C12orf42: variants seen among roughly 807,000 people sequenced by gnomAD.
C12orf42 encodes chromosome 12 open reading frame 42, also known as uncharacterized protein C12orf42.
In C12orf42, 25 loss-of-function variants were observed where a neutral mutation model predicts 21.6. That is an observed-to-expected ratio of 1.16 (90% CI 0.84 to 1.62). The LOEUF (loss-of-function observed/expected upper bound fraction) is 1.62, where lower values mean the gene tolerates loss of function less well. Among genes scored for constraint, C12orf42 ranks in the 40% most tolerant of loss-of-function variants. C12orf42 has a pLI of 0.00. For missense variants in C12orf42, 483 were observed against 459.3 expected (o/e 1.05, Z -0.47); for synonymous variants, 174 against 175.0 (o/e 0.99, Z 0.05).
the C12orf42 span, among the ~76,000 whole-genome samples, chr12:103,186,801 A>G: frequency 2.5e-4 from 38 of 152,136 alleles, no homozygotes; most frequent in African/African-American, 9.2e-4. Context: ...ACTCCTCATT[A>G]TTATTATAAG....
At chr12:103,507,699 G>C in the C12orf42 span, among the ~76,000 whole-genome samples, 3 of 150,802 alleles carry the variant, frequency 2.0e-5, no homozygotes, top group African/African-American at 7.3e-5. Context: ...TGGGGTGGGG[G>C]CGGGTAATAA....
intron 2 of C12orf42, among the ~76,000 whole-genome samples, chr12:103,447,354 T>C (rs545722592): frequency 2.0e-5 from 3 of 151,948 alleles, no homozygotes; most frequent in African/African-American, 4.8e-5. Context: ...TGAGGAAAAA[T>C]TGAAAGCATT....
chr12:103,257,394 A>G (rs1218045365), intron 10 of C12orf42, among the ~76,000 whole-genome samples: 2 of 152,218 alleles, frequency 1.3e-5, no homozygotes, highest in East Asian at 3.8e-4. Context: ...AAGGAGCTCA[A>G]TATTATTTTC....
the C12orf42 span, among the ~76,000 whole-genome samples, chr12:103,176,032 C>G: frequency 6.6e-6 from 1 of 152,096 alleles, no homozygotes; most frequent in Non-Finnish European, 1.5e-5. Context: ...GCCCTGTTGT[C>G]CTGCAGGCTT....
the C12orf42 span, among the ~76,000 whole-genome samples, chr12:103,067,699 G>A: frequency 1.6e-4 from 25 of 152,198 alleles, no homozygotes; most frequent in Middle Eastern, 3.4e-3. Flanking sequence ...TGGCCTAGAG[G>A]TCTTCGTTCC....
chr12:103,436,161 A>G (rs1398663318), intron 2 of C12orf42, among the ~76,000 whole-genome samples: 2 of 151,334 alleles, frequency 1.3e-5, no homozygotes, highest in African/African-American at 4.9e-5. Flanking sequence ...AAGCTTCATA[A>G]GTGAAGGAGA....
At chr12:103,294,411 AAGAG>A (rs771161984) in intron 4 of C12orf42, among the ~76,000 whole-genome samples, 15 of 139,088 alleles carry the variant, frequency 1.1e-4, no homozygotes, top group Non-Finnish European at 2.1e-4. Context: ...GAAAGAAAGA[AAGAG>A]AGAAAGGAGA....
intron 5 of C12orf42, among the ~76,000 whole-genome samples, chr12:103,274,621 T>C (rs1261827731): frequency 1.3e-5 from 2 of 152,166 alleles, no homozygotes; most frequent in Admixed American, 1.3e-4. Context: ...TTTGTTTTTC[T>C]ACTGTTTGTG....
chr12:103,430,458 GAACAACAGAC>G (rs1555196988), intron 2 of C12orf42, among the ~76,000 whole-genome samples: 1 of 151,996 alleles, frequency 6.6e-6, no homozygotes, highest in Non-Finnish European at 1.5e-5. Context: ...AAAAGTCAGG[GAACAACAGAC>G]ACTGGAGAGA....
At chr12:103,385,454 A>G (rs1473291521) in intron 3 of C12orf42, among the ~76,000 whole-genome samples, 2 of 152,200 alleles carry the variant, frequency 1.3e-5, no homozygotes, top group African/African-American at 2.4e-5. Flanking sequence ...TATACTTATG[A>G]TGAGTAATGA....
the C12orf42 span, among the ~76,000 whole-genome samples, chr12:103,119,237 T>G: frequency 6.6e-6 from 1 of 152,190 alleles, no homozygotes; most frequent in Non-Finnish European, 1.5e-5. Flanking sequence ...TAAATGTTAT[T>G]AATAATTACT....
chr12:103,172,638 C>T, the C12orf42 span, among the ~76,000 whole-genome samples: 3 of 152,202 alleles, frequency 2.0e-5, no homozygotes, highest in Admixed American at 1.3e-4. Flanking sequence ...TGTCATGTGG[C>T]AACCCCACAA....
chr12:103,231,030 C>T, the C12orf42 span, among the ~76,000 whole-genome samples: 4 of 151,810 alleles, frequency 2.6e-5, no homozygotes, highest in Admixed American at 6.6e-5. Flanking sequence ...TCTTCTATAC[C>T]TATGACATAT....
chr12:103,394,703 G>A (rs961521135), intron 3 of C12orf42, among the ~76,000 whole-genome samples: 1 of 152,196 alleles, frequency 6.6e-6, no homozygotes, highest in African/African-American at 2.4e-5. Flanking sequence ...GCAAGCACTG[G>A]AGGGGTGGCT....
rs189309413 is a variant in C12orf42, at chr12:103,395,414, C to G, written c.147+6193G>C. 2.4e-3 allele frequency among the ~76,000 whole-genome samples: 366 copies of G among 151,668 alleles called. 2 individuals are homozygous for G. The highest frequency in any genetic ancestry group is 4.9e-3 in the Admixed American group (74 of 15,236). The stretch of plus-strand genomic sequence containing the variant: ...GCAGTGGGGTGATCTCCGCTCACCG[C>G]AAGCTCCGCCTCCCGGGTTCACGCC... On this transcript the variant is annotated intron_variant, in intron 3 of 5. Coordinates refer to ENST00000548883, the MANE Select transcript of C12orf42 (RefSeq NM_198521.5).
At chr12:103,486,594 C>T (rs1407844292) in intron 1 of C12orf42, among the ~76,000 whole-genome samples, 1 of 152,094 alleles carries the variant, frequency 6.6e-6, no homozygotes, top group Admixed American at 6.5e-5. Context: ...CGGTCCTGCA[C>T]TTTTTTTGGT....
the C12orf42 span, among the ~76,000 whole-genome samples, chr12:103,219,349 G>A: frequency 6.6e-6 from 1 of 152,094 alleles, no homozygotes; most frequent in Admixed American, 6.5e-5. Flanking sequence ...TATAGGCATG[G>A]GCAAAGACTT....
chr12:103,434,815 GGCT>G (rs1239179758), intron 2 of C12orf42, among the ~76,000 whole-genome samples: 1 of 152,208 alleles, frequency 6.6e-6, no homozygotes, highest in African/African-American at 2.4e-5. Context: ...GCGGCAGCGA[GGCT>G]GGGGGAGGGG....
intron 4 of C12orf42, among the ~76,000 whole-genome samples, chr12:103,329,632 C>T (rs1362034605): frequency 6.9e-6 from 1 of 145,220 alleles, no homozygotes; most frequent in Non-Finnish European, 1.5e-5. Context: ...AAAAAAAAGG[C>T]CCAAAGAGAC....
Sources: gnomAD v4.1 joint callset for allele counts (sites outside exome capture counted in the v4.1 genomes callset) on GRCh38, gnomAD v4.1.1 for gene constraint, MANE v1.5 for transcripts, NCBI Gene and HGNC (gene_info 2026-07-23, HGNC 2026-07-21) for gene names.